ZNF638: variants seen among roughly 807,000 people sequenced by gnomAD.
ZNF638 encodes the protein CTCL tumor antigen se33-1.
Under a neutral mutation model 195.6 loss-of-function variants are expected in ZNF638, and 46 were observed. The observed-to-expected ratio is 0.24, with a 90% CI of 0.19 to 0.30. ZNF638 has a LOEUF of 0.30. Ranked by LOEUF, ZNF638 falls within the 10% of genes least tolerant of loss-of-function variation. ZNF638 has a pLI of 1.00. For missense variants in ZNF638, 2,440 were observed against 2,325.3 expected (o/e 1.05, Z -1.01); for synonymous variants, 845 against 772.0 (o/e 1.09, Z -1.57).
intron 10 of ZNF638, 168 bp from the exon 11 acceptor site, chr2:71,395,973 G>T: frequency 1.5e-6 from 1 of 651,096 alleles, no homozygotes; most frequent in Non-Finnish European, 2.7e-6. Context: ...GATACATCAA[G>T]TCCATATCTA....
chr2:71,380,742 A>C (rs2079521669), intron 10 of ZNF638, 177 bp downstream of exon 10: 1 of 465,794 alleles, frequency 2.1e-6, no homozygotes, highest in East Asian at 3.5e-5. Flanking sequence ...GTAATTACAG[A>C]ATCACTTCTG....
chr2:71,388,676 G>T (rs1196493115), intron 10 of ZNF638: 8 of 1,071,692 alleles, frequency 7.5e-6, no homozygotes, highest in Non-Finnish European at 1.0e-5. Flanking sequence ...CACTGCAAGG[G>T]ATCACGACGG....
chr2:71,434,766 G>C lies in ZNF638; in HGVS notation c.5896G>C (p.Glu1966Gln). ...TEKFMAKQRK[E>Q]KEQNEAEERS... ...GAAATTCATGGCCAAGCAAAGAAAGGAAAAGGAGCAGAATGAGGCTGAAGA... is the reference window on the plus strand; with the variant it reads ...GAAATTCATGGCCAAGCAAAGAAAGCAAAAGGAGCAGAATGAGGCTGAAGA... The change falls in exon 28 of 28, where the codon GAA (glutamate) becomes CAA (glutamine). Residue 1966 changes from glutamate (E) to glutamine (Q), a missense_variant. Glu to Gln is a conservative substitution (Grantham distance 29). Transcript: ENST00000264447. 1 of 1,612,152 alleles carries C rather than the reference G, an allele frequency of 6.2e-7. No homozygotes were observed. Among genetic ancestry groups the C allele is most frequent in the African/African-American group, 1.3e-5 (1 of 74,864 alleles).
intron 7 of ZNF638, 95 bp from the exon 8 acceptor site, chr2:71,369,788 T>G: frequency 8.0e-7 from 1 of 1,253,798 alleles, no homozygotes. Flanking sequence ...AGTTTCATAG[T>G]TTGATGTTAC....
intron 21 of ZNF638, among the ~76,000 whole-genome samples, chr2:71,419,892 A>G (rs976224199): frequency 1.7e-4 from 25 of 151,022 alleles, no homozygotes; most frequent in Non-Finnish European, 3.1e-4. Flanking sequence ...TATTTCTTAA[A>G]TAATTTATAG....
chr2:71,418,535 T>G (rs992855073), intron 20 of ZNF638, 67 bp from the exon 21 acceptor site: 34 of 1,119,962 alleles, frequency 3.0e-5, no homozygotes, highest in South Asian at 3.7e-5. Flanking sequence ...CTAAAAACAT[T>G]GCTTTTATAG....
intron 3 of ZNF638, 132 bp from the exon 4 acceptor site, chr2:71,363,021 A>G (rs1321130861): frequency 6.9e-6 from 5 of 728,642 alleles, no homozygotes; most frequent in Admixed American, 2.4e-5. Context: ...TTATTTATTG[A>G]ATTAAACTCT....
intron 22 of ZNF638, among the ~76,000 whole-genome samples, chr2:71,424,341 C>G (rs905672192): frequency 6.6e-6 from 1 of 151,506 alleles, no homozygotes; most frequent in African/African-American, 2.4e-5. Flanking sequence ...TGATTTACCA[C>G]TCTGCTTCTG....
At chr2:71,398,803 GTTTATTC>G (rs754701044) in intron 12 of ZNF638, 31 bp downstream of exon 12, 8 of 1,528,704 alleles carry the variant, frequency 5.2e-6, no homozygotes, top group South Asian at 1.2e-5. Flanking sequence ...AGATTTTATT[GTTTATTC>G]TTTATTTATG....
chr2:71,349,957 C>G lies in ZNF638; in HGVS notation c.1003C>G (p.Gln335Glu). 1 of 1,614,202 alleles carries G rather than the reference C, an allele frequency of 6.2e-7. No homozygotes were observed. Among genetic ancestry groups the G allele is most frequent in the East Asian group, 2.2e-5 (1 of 44,888 alleles). The change falls in exon 2 of 28, where the codon CAA becomes GAA. Residue 335 changes from glutamine (Q) to glutamate (E), a missense_variant. By Grantham distance (29) the Gln-to-Glu change is conservative. Transcript: ENST00000264447. Reference protein sequence around the residue: ...QSLIPPSMNQQPFSSELISSV... With the variant: ...QSLIPPSMNQEPFSSELISSV... ...TCTGATTCCTCCATCTATGAACCAG[C>G]AACCTTTTTCGTCGGAATTAATTTC...
At chr2:71,364,544 A>T (rs973757486) in intron 5 of ZNF638, among the ~76,000 whole-genome samples, 1 of 151,954 alleles carries the variant, frequency 6.6e-6, no homozygotes, top group African/African-American at 2.4e-5. Context: ...TTTTGAGATT[A>T]TTTTTTTTAA....
At chr2:71,421,957 A>G (rs1022172591) in intron 21 of ZNF638, among the ~76,000 whole-genome samples, 1 of 152,180 alleles carries the variant, frequency 6.6e-6, no homozygotes, top group African/African-American at 2.4e-5. Context: ...CACTTTTCAT[A>G]TACTTTAGAT....
At chr2:71,386,872 T>A (rs1438756649) in intron 10 of ZNF638, among the ~76,000 whole-genome samples, 1 of 152,064 alleles carries the variant, frequency 6.6e-6, no homozygotes, top group African/African-American at 2.4e-5. Flanking sequence ...TTTCTTTTCT[T>A]CTTTTTTTTC....
At chr2:71,421,726 A>G (rs931303309) in intron 21 of ZNF638, among the ~76,000 whole-genome samples, 4 of 152,186 alleles carry the variant, frequency 2.6e-5, no homozygotes, top group African/African-American at 9.6e-5. Context: ...AGGTATTGAT[A>G]TGATAGGATC....
At position 71,395,465 on chromosome 2, in the gene ZNF638, A is replaced by G. The variant is rs1031043760; in HGVS notation, c.2378-676A>G. ...TCGGGAGAGAATAAAGGCTGAAGGC[A>G]GCTAAATTCTCTTACCCTGACGCTA... On this transcript the variant is annotated intron_variant, in intron 10 of 27. Transcript: ENST00000264447. The G allele has an allele frequency of 2.0e-5, 12 of 612,616 alleles. No homozygotes were observed. In the African/African-American group the frequency reaches 2.2e-4, roughly 11 times the overall value. 37.9% of individuals were successfully genotyped at this position (612,616 alleles called of 1,614,324 possible). A position where few individuals can be genotyped will look rare whatever the true frequency, so the allele number is the denominator to read the frequency against.
At chr2:71,341,074 G>A (rs1438785502) in intron 1 of ZNF638, among the ~76,000 whole-genome samples, 1 of 152,190 alleles carries the variant, frequency 6.6e-6, no homozygotes, top group African/African-American at 2.4e-5. Flanking sequence ...CTGAAAGACT[G>A]CATCAAAATA....
intron 2 of ZNF638, among the ~76,000 whole-genome samples, chr2:71,354,472 C>T (rs540107037): frequency 7.4e-4 from 112 of 152,004 alleles, no homozygotes; most frequent in African/African-American, 2.3e-3. Context: ...TGGTGGCTCA[C>T]GCCTGTAATC....
intron 10 of ZNF638, among the ~76,000 whole-genome samples, chr2:71,382,203 T>A (rs1227275918): frequency 6.6e-6 from 1 of 152,128 alleles, no homozygotes; most frequent in Non-Finnish European, 1.5e-5. Flanking sequence ...TGGGGTTAGG[T>A]CCTTAGATTT....
chr2:71,371,238 C>T (rs1032311693), intron 8 of ZNF638, among the ~76,000 whole-genome samples: 4 of 152,116 alleles, frequency 2.6e-5, no homozygotes, highest in African/African-American at 9.7e-5. Flanking sequence ...TTTATCTATT[C>T]ATGTGTTGAT....
Sources: allele counts gnomAD v4.1 joint callset (sites outside exome capture counted in the v4.1 genomes callset), GRCh38; gene constraint gnomAD v4.1.1; transcripts MANE v1.5; gene names NCBI Gene and HGNC (gene_info 2026-07-23, HGNC 2026-07-21).